The following LRRC8A variants were observed in gnomAD, a reference collection of about 807,000 sequenced individuals.
The protein encoded by LRRC8A is leucine rich repeat containing 8 VRAC subunit A.
LRRC8A carries 24 observed loss-of-function variants against 52.5 expected under a neutral mutation model. The ratio of observed to expected loss-of-function variants is 0.46; its 90% CI spans 0.33 to 0.64. The LOEUF (loss-of-function observed/expected upper bound fraction) is 0.64, where lower values mean the gene tolerates loss of function less well. Among genes scored for constraint, LRRC8A ranks in the 30% least tolerant of loss-of-function variants. The pLI, the probability that LRRC8A is intolerant of heterozygous loss-of-function variation, is 0.02. For missense variants in LRRC8A, 677 were observed against 1,094.7 expected, an observed-to-expected ratio of 0.62 and a Z score of 5.38; for synonymous variants, 492 against 494.2, an observed-to-expected ratio of 1.00 and a Z score of 0.06.
chr9:128,892,793 G>A lies in LRRC8A; in HGVS notation c.-9+6672G>A, dbSNP rs1427531956. Among the ~76,000 whole-genome samples the A allele has an allele frequency of 6.6e-6, 1 of 152,184 alleles. No individual in the cohort carries two copies. Among genetic ancestry groups the A allele is most frequent in the Non-Finnish European group, 1.5e-5 (1 of 68,040 alleles). Reference sequence around the variant, plus strand: ...AGGGCCTGTTGAGAGCGGCCCCTTCGCGCTCCCTGGGAGAGCACTGGAGGG... The same window carrying A: ...AGGGCCTGTTGAGAGCGGCCCCTTCACGCTCCCTGGGAGAGCACTGGAGGG... On this transcript the variant is annotated intron_variant, in intron 2 of 3. Coordinates refer to ENST00000372600, the MANE Select transcript of LRRC8A (RefSeq NM_019594.4). This position sits in a 1 kb window ranked among gnomAD's most constrained non-coding sequence, Gnocchi z 5.2.
Position 128,882,215 on chromosome 9 carries a change from G to A in LRRC8A, c.-151G>A, listed in dbSNP as rs963510380. 1 of 153,276 alleles carries A rather than the reference G, an allele frequency of 6.5e-6. No individual in the cohort carries two copies. Among genetic ancestry groups the A allele is most frequent in the African/African-American group, 2.4e-5 (1 of 41,438 alleles). 9.5% of individuals were successfully genotyped at this position (153,276 alleles called of 1,614,324 possible). A position where few individuals can be genotyped will look rare whatever the true frequency, so the allele number is the denominator to read the frequency against. On this transcript the variant is annotated 5_prime_UTR_variant, in exon 1 of 4. Transcript: ENST00000372600. ...GCGGGACGGAGCGGCCGGGGCCTGG[G>A]GCTGCCTGCCGGGCGGCCGGGCGCG... is the stretch of plus-strand genomic sequence containing the variant.
rs75475158 is a variant in LRRC8A at position 128,914,817 on chromosome 9, G to A, written c.2158-1279G>A. On this transcript the variant is annotated intron_variant, in intron 3 of 3. Transcript: ENST00000372600. ...GCAGTAAGAACTCATGGCCCCAGCT[G>A]ATTCCTCGCAGCAGGGCAGGGAAGA... Among the ~76,000 whole-genome samples the A allele has an allele frequency of 2.3e-3, 358 of 152,346 alleles. 1 individual carries two copies. The highest frequency in any genetic ancestry group is 8.3e-3 in the African/African-American group (346 of 41,578).
intron 3 of LRRC8A, among the ~76,000 whole-genome samples, chr9:128,914,137 G>A (rs926125175): frequency 6.6e-6 from 1 of 152,058 alleles, no homozygotes; most frequent in Admixed American, 6.5e-5. Context: ...CCTGGGAGGT[G>A]GAGATTACAG....
intron 2 of LRRC8A, among the ~76,000 whole-genome samples, chr9:128,905,811 T>A (rs192558202): frequency 2.0e-5 from 3 of 151,802 alleles, no homozygotes; most frequent in Non-Finnish European, 4.4e-5. Flanking sequence ...GCCACTGCAC[T>A]CCAGCCTGGC....
Position 128,908,550 on chromosome 9 carries a change from G to T in LRRC8A, c.1386G>T (p.Pro462=), listed in dbSNP as rs754215449. The T allele has an allele frequency of 1.2e-6, 2 of 1,612,512 alleles. No homozygotes were observed. Among genetic ancestry groups the T allele is most frequent in the Non-Finnish European group, 1.7e-6 (2 of 1,179,962 alleles). ...AGCTGATCCCCGACGTGACCATCCCGCCCAGCATTGCCCAGCTCACGGGCC... is the reference window on the plus strand; with the variant it reads ...AGCTGATCCCCGACGTGACCATCCCTCCCAGCATTGCCCAGCTCACGGGCC... The part of the protein sequence containing the change: ...KLELIPDVTI[P]PSIAQLTGLK... The change falls in exon 3 of 4, where the codon CCG becomes CCT. Residue 462 remains proline (P), a synonymous_variant. Coordinates refer to ENST00000372600, the MANE Select transcript of LRRC8A (RefSeq NM_019594.4).
intron 2 of LRRC8A, among the ~76,000 whole-genome samples, chr9:128,893,472 A>G (rs184409290): frequency 5.3e-5 from 8 of 152,328 alleles, no homozygotes; most frequent in Admixed American, 5.2e-4. Context: ...AGTTGAGGAC[A>G]CAGAGGCTCT....
chr9:128,884,668 A>G (rs921693702), intron 1 of LRRC8A, among the ~76,000 whole-genome samples: 10 of 152,152 alleles, frequency 6.6e-5, no homozygotes, highest in African/African-American at 2.4e-4. Context: ...ATAATTAGTG[A>G]CAGGGAGTCC....
intron 2 of LRRC8A, among the ~76,000 whole-genome samples, chr9:128,891,669 T>TA (rs1209578222): frequency 1.3e-4 from 20 of 152,292 alleles, no homozygotes; most frequent in African/African-American, 4.8e-4. Flanking sequence ...AGAGCTTCCT[T>TA]ATAGCAGTAC....
rs74852754 is a variant in LRRC8A, at chr9:128,911,506, C to T, written c.2157+2185C>T. On this transcript the variant is annotated intron_variant, in intron 3 of 3. Transcript: ENST00000372600. This position sits in a 1 kb window ranked among gnomAD's most constrained non-coding sequence, Gnocchi z 4.9. ...GGAGGGGGAGACCCTGTGGCTTCCC[C>T]ATAGCACAGTGCTGCCCTTGATAAG... Among the ~76,000 whole-genome samples the T allele has an allele frequency of 5.6e-4, 86 of 152,286 alleles. 1 individual carries two copies. The East Asian group carries it at 0.016, about 28-fold the overall frequency.
chr9:128,895,303 C>T (rs781358341), intron 2 of LRRC8A, among the ~76,000 whole-genome samples: 2 of 152,094 alleles, frequency 1.3e-5, no homozygotes, highest in African/African-American at 4.8e-5. Flanking sequence ...GAGCCAAGAC[C>T]GTGCCACTGC....
chr9:128,892,760 C>G lies in LRRC8A; in HGVS notation c.-9+6639C>G, dbSNP rs746065080. ...AGCAGATCCACAGGCTTGGAACCCT[C>G]CCGGGACAGGGCCTGTTGAGAGCGG... is the stretch of plus-strand genomic sequence containing the variant. On this transcript the variant is annotated intron_variant, in intron 2 of 3. Transcript: ENST00000372600. The surrounding 1 kb of genome is among the most constrained non-coding windows in gnomAD (Gnocchi z 5.2). Among the ~76,000 whole-genome samples, 68 of 152,186 alleles carry G rather than the reference C, an allele frequency of 4.5e-4. 1 individual carries two copies. The highest frequency in any genetic ancestry group is 1.8e-4 in the Non-Finnish European group (12 of 68,030).
Position 128,917,977 on chromosome 9 carries a change from C to T in LRRC8A, c.*1606C>T, listed in dbSNP as rs1481135662. 1 of 152,626 alleles carries T rather than the reference C, an allele frequency of 6.6e-6. No individual in the cohort carries two copies. Among genetic ancestry groups the T allele is most frequent in the African/African-American group, 2.4e-5 (1 of 41,430 alleles). The allele number at this position is 152,626 out of a possible 1,614,324, so 9.5% of individuals were successfully genotyped here. On this transcript the variant is annotated 3_prime_UTR_variant, in exon 4 of 4. Transcript: ENST00000372600. Reference sequence around the variant, plus strand: ...CTCTGACAACCATGAAGCAAAAATCCGTTACATGTGGGTCTGAACTTGTAG... The same window carrying T: ...CTCTGACAACCATGAAGCAAAAATCTGTTACATGTGGGTCTGAACTTGTAG...
intron 2 of LRRC8A, among the ~76,000 whole-genome samples, chr9:128,891,409 A>T (rs945521274): frequency 2.0e-5 from 3 of 152,204 alleles, no homozygotes; most frequent in East Asian, 1.9e-4. Flanking sequence ...AAAAATTTTT[A>T]AAAATAGCCA....
In LRRC8A at chr9:128,899,526, C is replaced by T. The variant is rs762132745; in HGVS notation, c.-8-7631C>T. Among the ~76,000 whole-genome samples, 4 of 151,746 alleles carry T rather than the reference C, an allele frequency of 2.6e-5. No homozygotes were observed. The highest frequency in any genetic ancestry group is 6.6e-5 in the Admixed American group (1 of 15,226). ...GGGCAGAAGACTTCTGTCTCTGAGC[C>T]GGTTTCCGTGGTTATAAAATGGACA... On this transcript the variant is annotated intron_variant, in intron 2 of 3. Transcript: ENST00000372600. This position sits in a 1 kb window ranked among gnomAD's most constrained non-coding sequence, Gnocchi z 4.0.
chr9:128,893,096 G>A (rs1182568208), intron 2 of LRRC8A, among the ~76,000 whole-genome samples: 1 of 152,186 alleles, frequency 6.6e-6, no homozygotes, highest in Non-Finnish European at 1.5e-5. Flanking sequence ...TCCAGGGGAT[G>A]TGGACTGGGG....
chr9:128,898,816 G>A lies in LRRC8A; in HGVS notation c.-8-8341G>A, dbSNP rs969983183. The stretch of plus-strand genomic sequence containing the variant: ...GTAGGCTTGCTCTCCACTGACCTGG[G>A]CTCTCACACAGGTAGTTTGGGAAGC... On this transcript the variant is annotated intron_variant, in intron 2 of 3. Transcript: ENST00000372600. 2.6e-5 allele frequency among the ~76,000 whole-genome samples: 4 copies of A among 152,240 alleles called. No homozygotes were observed. The East Asian group carries it at 7.7e-4, about 29-fold the overall frequency.
Position 128,916,060 on chromosome 9 carries a change from C to G in LRRC8A, c.2158-36C>G. The G allele has an allele frequency of 6.4e-7, 1 of 1,570,854 alleles. No homozygotes were observed. Among genetic ancestry groups the G allele is most frequent in the Non-Finnish European group, 8.7e-7 (1 of 1,153,906 alleles). ...CCCAGAGGCCCCGTCCAAGCCCACA[C>G]CCACCTCACTCTCACCCCTGCTTTT... On this transcript the variant is annotated intron_variant, in intron 3 of 3. Coordinates refer to ENST00000372600, the MANE Select transcript of LRRC8A (RefSeq NM_019594.4). The surrounding 1 kb of genome is among the most constrained non-coding windows in gnomAD (Gnocchi z 6.1).
chr9:128,900,241 C>T (rs1035686352), intron 2 of LRRC8A, among the ~76,000 whole-genome samples: 1 of 152,228 alleles, frequency 6.6e-6, no homozygotes, highest in Non-Finnish European at 1.5e-5. Flanking sequence ...CTGCAGCACC[C>T]CACCCCACCT....
Position 128,902,530 on chromosome 9 carries a change from A to G in LRRC8A, c.-8-4627A>G, listed in dbSNP as rs74347585. Among the ~76,000 whole-genome samples, 305 of 152,248 alleles carry G rather than the reference A, an allele frequency of 2.0e-3. 3 individuals are homozygous for G. The highest frequency in any genetic ancestry group is 1.6e-3 in the Non-Finnish European group (106 of 68,004). On this transcript the variant is annotated intron_variant, in intron 2 of 3. Coordinates refer to ENST00000372600, the MANE Select transcript of LRRC8A (RefSeq NM_019594.4). This position sits in a 1 kb window ranked among gnomAD's most constrained non-coding sequence, Gnocchi z 4.1. ...AACACGAGGGAGGTGTTGCAGTATC[A>G]TTGTCACCACATCCTGCCCGCTCAA...
Sources: gnomAD v4.1 joint callset for allele counts (sites outside exome capture counted in the v4.1 genomes callset) on GRCh38, gnomAD v4.1.1 for gene constraint, Gnocchi (gnomAD v3.1) non-coding constraint, MANE v1.5 for transcripts, NCBI Gene and HGNC (gene_info 2026-07-23, HGNC 2026-07-21) for gene names.